Variants in ZCCHC14 observed in about 807,000 individuals in gnomAD.
ZCCHC14 encodes the protein zinc finger CCHC domain-containing protein 14.
In ZCCHC14, 16 loss-of-function variants were observed where a neutral mutation model predicts 85.0. The observed-to-expected ratio is 0.19, with a 90% CI of 0.13 to 0.29. The LOEUF is 0.29. Among genes scored for constraint, ZCCHC14 ranks in the 10% least tolerant of loss-of-function variants. The pLI, the probability that ZCCHC14 is intolerant of heterozygous loss-of-function variation, is 1.00. For synonymous variants in ZCCHC14, 775 were observed against 630.7 expected (o/e 1.23, Z -3.43); for missense variants, 1,303 against 1,443.5 (o/e 0.90, Z 1.58).
rs1908288974 is a variant in ZCCHC14, at chr16:87,408,272, G to T, written c.*2008C>A. 6.6e-6 allele frequency: 1 copy of T among 152,420 alleles called. No individual in the cohort carries two copies. Among genetic ancestry groups the T allele is most frequent in the South Asian group, 2.1e-4 (1 of 4,824 alleles). The allele number at this position is 152,420 out of a possible 1,614,324, so 9.4% of individuals were successfully genotyped here. A position where few individuals can be genotyped will look rare whatever the true frequency, so the allele number is the denominator to read the frequency against. ...TATGAGACGGTTTTCAACAATTTCA[G>T]TGTTGAAATAGGATTTATTTAAAAT... is the stretch of plus-strand genomic sequence containing the variant. On this transcript the variant is annotated 3_prime_UTR_variant, in exon 13 of 13. Coordinates refer to ENST00000671377, the MANE Select transcript of ZCCHC14 (RefSeq NM_015144.3).
intron 1 of ZCCHC14, among the ~76,000 whole-genome samples, chr16:87,482,130 G>A (rs546999286): frequency 2.6e-5 from 4 of 152,252 alleles, no homozygotes; most frequent in Middle Eastern, 3.4e-3. Context: ...TTTCTAAGAC[G>A]CAAACTTTGG....
intron 10 of ZCCHC14, among the ~76,000 whole-genome samples, chr16:87,413,396 G>C (rs115416531): frequency 0.025 from 3,779 of 152,284 alleles, 46 homozygotes; most frequent in Middle Eastern, 0.051. Context: ...CTCAACACCC[G>C]CTCAGCCAGG....
At chr16:87,479,387 A>C (rs1912165523) in intron 1 of ZCCHC14, among the ~76,000 whole-genome samples, 1 of 150,744 alleles carries the variant, frequency 6.6e-6, no homozygotes, top group South Asian at 2.1e-4. Flanking sequence ...ATTGCACTCC[A>C]GCCTGGGTGA....
chr16:87,480,144 C>T (rs1912199867), intron 1 of ZCCHC14, among the ~76,000 whole-genome samples: 1 of 152,116 alleles, frequency 6.6e-6, no homozygotes, highest in African/African-American at 2.4e-5. Flanking sequence ...TGGCTCACAC[C>T]TGTAATCCCA....
At chr16:87,421,791 T>G (rs1334896152) in intron 4 of ZCCHC14, among the ~76,000 whole-genome samples, 1 of 152,150 alleles carries the variant, frequency 6.6e-6, no homozygotes, top group African/African-American at 2.4e-5. Flanking sequence ...AGCTTCATCC[T>G]GCCCAGATGG....
chr16:87,462,146 A>G (rs1911293290), intron 1 of ZCCHC14, among the ~76,000 whole-genome samples: 1 of 150,572 alleles, frequency 6.6e-6, no homozygotes, highest in South Asian at 2.1e-4. Flanking sequence ...AGTCCTAGCC[A>G]TGCAGCAACT....
chr16:87,426,240 T>TA (rs1909364124), intron 3 of ZCCHC14, among the ~76,000 whole-genome samples: 1 of 152,146 alleles, frequency 6.6e-6, no homozygotes, highest in Admixed American at 6.5e-5. Context: ...AACCGGCCGT[T>TA]AGAGGGGCAT....
chr16:87,471,975 C>T (rs781282074), intron 1 of ZCCHC14: 3 of 152,256 alleles, frequency 2.0e-5, no homozygotes, highest in Non-Finnish European at 2.9e-5. Context: ...ACCTTCACTG[C>T]TGACCGGGCT....
chr16:87,421,527 T>C (rs1465641568), intron 4 of ZCCHC14, among the ~76,000 whole-genome samples: 1 of 152,004 alleles, frequency 6.6e-6, no homozygotes, highest in African/African-American at 2.4e-5. Flanking sequence ...CTGCCCAGGA[T>C]CAGGCTGGGC....
At chr16:87,447,173 C>A (rs1055175050) in intron 2 of ZCCHC14, among the ~76,000 whole-genome samples, 2 of 152,130 alleles carry the variant, frequency 1.3e-5, no homozygotes, top group Non-Finnish European at 1.5e-5. Flanking sequence ...CATACATATT[C>A]TTAAAGATGG....
At chr16:87,418,661 C>G (rs890504475) in intron 7 of ZCCHC14, among the ~76,000 whole-genome samples, 186 bp downstream of exon 7, 4 of 152,206 alleles carry the variant, frequency 2.6e-5, no homozygotes, top group African/African-American at 9.6e-5. Flanking sequence ...AATTCTGATT[C>G]CAGTGGCTTA....
At chr16:87,488,809 C>G (rs752450936) in intron 1 of ZCCHC14, among the ~76,000 whole-genome samples, 32 of 152,186 alleles carry the variant, frequency 2.1e-4, no homozygotes, top group Non-Finnish European at 4.1e-4. Flanking sequence ...AACTCCTGGG[C>G]TCAAGCGATC....
rs995815110 is a variant in ZCCHC14 at position 87,420,063 on chromosome 16, A to C, written c.951-186T>G. ...CTTGCCCGACTGCCACTGCTTCTTCAAGCCCTTCCTCTCAATGCTGTATTC... is the reference window on the plus strand; with the variant it reads ...CTTGCCCGACTGCCACTGCTTCTTCCAGCCCTTCCTCTCAATGCTGTATTC... On this transcript the variant is annotated intron_variant, in intron 5 of 12. Coordinates refer to ENST00000671377, the MANE Select transcript of ZCCHC14 (RefSeq NM_015144.3). The surrounding 1 kb of genome is among the most constrained non-coding windows in gnomAD (Gnocchi z 5.0). Among the ~76,000 whole-genome samples, 1 of 152,204 alleles carries C rather than the reference A, an allele frequency of 6.6e-6. No homozygotes were observed.
rs1908240660 is a variant in ZCCHC14, at chr16:87,407,219, C to T, written c.*3061G>A. 1 of 152,166 alleles carries T rather than the reference C, an allele frequency of 6.6e-6. No individual in the cohort carries two copies. Among genetic ancestry groups the T allele is most frequent in the South Asian group, 2.1e-4 (1 of 4,836 alleles). The allele number at this position is 152,166 out of a possible 1,614,324, so 9.4% of individuals were successfully genotyped here. ...TGTGCTGACTTTGGGCAATAAAGGA[C>T]CTAGAATTCTAAGTACTGAATTAAA... is the stretch of plus-strand genomic sequence containing the variant. On this transcript the variant is annotated 3_prime_UTR_variant, in exon 13 of 13. Transcript: ENST00000671377.
At chr16:87,422,281 A>G (rs1216116436) in intron 4 of ZCCHC14, among the ~76,000 whole-genome samples, 1 of 152,154 alleles carries the variant, frequency 6.6e-6, no homozygotes, top group African/African-American at 2.4e-5. Flanking sequence ...AAACGGGCAC[A>G]GGAACCACCC....
chr16:87,435,899 C>G (rs912342653), intron 2 of ZCCHC14, among the ~76,000 whole-genome samples: 2 of 152,274 alleles, frequency 1.3e-5, no homozygotes, highest in African/African-American at 4.8e-5. Flanking sequence ...CACGCTGTTC[C>G]TGCCTGACTT....
chr16:87,463,943 C>G (rs554183561), intron 1 of ZCCHC14, among the ~76,000 whole-genome samples: 1 of 152,316 alleles, frequency 6.6e-6, no homozygotes, highest in Admixed American at 6.5e-5. Context: ...CCTGAGCCTC[C>G]TGAGTAACTG....
chr16:87,491,630 G>C lies in ZCCHC14; in HGVS notation c.570+39C>G, dbSNP rs781004649. 4 of 1,370,694 alleles carry C rather than the reference G, an allele frequency of 2.9e-6. No individual in the cohort carries two copies. The highest frequency in any genetic ancestry group is 3.1e-5 in the East Asian group (1 of 32,748). The allele number at this position is 1,370,694 out of a possible 1,614,324, so 84.9% of individuals were successfully genotyped here. A position where few individuals can be genotyped will look rare whatever the true frequency, so the allele number is the denominator to read the frequency against. ...CTTGGAGTGCAGAGTTGGGGATGCAGACTTGGGGTACAGGGCAGAGCTCGG... is the reference window on the plus strand; with the variant it reads ...CTTGGAGTGCAGAGTTGGGGATGCACACTTGGGGTACAGGGCAGAGCTCGG... On this transcript the variant is annotated intron_variant, in intron 1 of 12. Coordinates refer to ENST00000671377, the MANE Select transcript of ZCCHC14 (RefSeq NM_015144.3). The surrounding 1 kb of genome is among the most constrained non-coding windows in gnomAD (Gnocchi z 5.9).
At chr16:87,413,286 C>T in intron 10 of ZCCHC14, 91 bp from the exon 11 acceptor site, 1 of 1,432,368 alleles carries the variant, frequency 7.0e-7, no homozygotes, top group Non-Finnish European at 9.1e-7. Flanking sequence ...TCGGCAGGTG[C>T]TCCTTCCAGG....
Sources: allele counts gnomAD v4.1 joint callset (sites outside exome capture counted in the v4.1 genomes callset), GRCh38; gene constraint gnomAD v4.1.1; non-coding constraint Gnocchi (gnomAD v3.1); transcripts MANE v1.5; gene names NCBI Gene and HGNC (gene_info 2026-07-23, HGNC 2026-07-21).